The following QSER1 variants were observed in gnomAD, a reference collection of about 807,000 sequenced individuals.
QSER1 encodes the protein glutamine and serine-rich protein 1.
QSER1 carries 49 observed loss-of-function variants against 158.5 expected under a neutral mutation model. The observed-to-expected ratio is 0.31, with a 90% CI of 0.25 to 0.39. The LOEUF (loss-of-function observed/expected upper bound fraction) is 0.39, where lower values mean the gene tolerates loss of function less well. QSER1 is among the 10% of genes least tolerant of loss of function. The probability of loss-of-function intolerance (pLI) is 1.00; values close to 1 mark genes in which losing one functional copy is unlikely to be tolerated. For synonymous variants in QSER1, 650 were observed against 715.5 expected (o/e 0.91, Z 1.46); for missense variants, 1,754 against 2,010.3 (o/e 0.87, Z 2.44).
chr11:32,948,788 A>G (rs1351360782), intron 4 of QSER1, among the ~76,000 whole-genome samples: 1 of 152,184 alleles, frequency 6.6e-6, no homozygotes, highest in East Asian at 1.9e-4. Flanking sequence ...CATATACAAA[A>G]GTACAGAGAT....
chr11:32,912,598 A>T (rs1179871431), intron 1 of QSER1, among the ~76,000 whole-genome samples: 2 of 152,054 alleles, frequency 1.3e-5, no homozygotes, highest in Non-Finnish European at 2.9e-5. Flanking sequence ...GATGCTGATG[A>T]GCATCGCCTG....
rs1590700947 is a variant in QSER1 at position 32,893,864 on chromosome 11, C to T, written c.209+530C>T. 1.3e-5 allele frequency among the ~76,000 whole-genome samples: 2 copies of T among 152,062 alleles called. No individual in the cohort carries two copies. The highest frequency in any genetic ancestry group is 4.8e-5 in the African/African-American group (2 of 41,394). Reference sequence around the variant, plus strand: ...CTGGGCTACGGGAGAATCCCCGGGGCGCAGGGCAGAAGAGGGGGCCCGGCA... The same window carrying T: ...CTGGGCTACGGGAGAATCCCCGGGGTGCAGGGCAGAAGAGGGGGCCCGGCA... On this transcript the variant is annotated intron_variant, in intron 1 of 12. Transcript: ENST00000650167. The surrounding 1 kb of genome is among the most constrained non-coding windows in gnomAD (Gnocchi z 4.7).
intron 1 of QSER1, among the ~76,000 whole-genome samples, chr11:32,897,178 G>A (rs988876142): frequency 6.6e-6 from 1 of 152,106 alleles, no homozygotes; most frequent in African/African-American, 2.4e-5. Flanking sequence ...TTTGAGGTAG[G>A]CATTCTTTTT....
In QSER1 at chr11:32,913,555, T is replaced by C. The variant is rs1178003377; in HGVS notation, c.210-13602T>C. Reference sequence around the variant, plus strand: ...GAGGAAGTCTTCCCAGATTGTGTTATGTTTATTTACTTATGCTCTTTTATT... The same window carrying C: ...GAGGAAGTCTTCCCAGATTGTGTTACGTTTATTTACTTATGCTCTTTTATT... On this transcript the variant is annotated intron_variant, in intron 1 of 12. Transcript: ENST00000650167. Among the ~76,000 whole-genome samples, 4 of 152,222 alleles carry C rather than the reference T, an allele frequency of 2.6e-5. No individual in the cohort carries two copies. In the East Asian group the frequency reaches 7.7e-4, roughly 29 times the overall value.
At chr11:32,937,950 C>A (rs1852177467) in intron 4 of QSER1, among the ~76,000 whole-genome samples, 3 of 152,158 alleles carry the variant, frequency 2.0e-5, no homozygotes, top group Admixed American at 2.0e-4. Context: ...TTATTCCAGA[C>A]AGAATTAGTG....
chr11:32,918,804 T>C (rs1375689545), intron 1 of QSER1, among the ~76,000 whole-genome samples: 1 of 152,140 alleles, frequency 6.6e-6, no homozygotes, highest in African/African-American at 2.4e-5. Flanking sequence ...CAAAAACCCC[T>C]GATATTTATA....
chr11:32,966,495 T>C, intron 9 of QSER1, 58 bp downstream of exon 9: 5 of 1,528,876 alleles, frequency 3.3e-6, no homozygotes, highest in Non-Finnish European at 4.4e-6. Flanking sequence ...AAAAAAGAAA[T>C]CTTGTCTGTT....
chr11:32,909,813 G>A (rs1328549520), intron 1 of QSER1, among the ~76,000 whole-genome samples: 3 of 152,130 alleles, frequency 2.0e-5, no homozygotes, highest in Non-Finnish European at 4.4e-5. Context: ...TGGGAGTCGT[G>A]TGTATGGGGG....
intron 1 of QSER1, among the ~76,000 whole-genome samples, chr11:32,920,638 A>G (rs1461178075): frequency 6.6e-6 from 1 of 152,234 alleles, no homozygotes; most frequent in East Asian, 1.9e-4. Context: ...TGTATCCAGC[A>G]TATTTAAAGA....
At chr11:32,963,401 G>A (rs1466590844) in intron 8 of QSER1, among the ~76,000 whole-genome samples, 1 of 152,138 alleles carries the variant, frequency 6.6e-6, no homozygotes, top group Admixed American at 6.5e-5. Flanking sequence ...TATCGTCCAG[G>A]CTGGAGTGCA....
chr11:32,979,807 A>G lies in QSER1; in HGVS notation c.*3333A>G, dbSNP rs914267821. On this transcript the variant is annotated 3_prime_UTR_variant, in exon 13 of 13. Transcript: ENST00000650167. ...CTTTGGAGATATACCTATAAAACCA[A>G]TATAACAGCAGGGTTATTGAAGCAG... The G allele has an allele frequency of 5.3e-5, 8 of 152,240 alleles. No individual in the cohort carries two copies. Among genetic ancestry groups the G allele is most frequent in the Admixed American group, 3.9e-4 (6 of 15,290 alleles). The allele number at this position is 152,240 out of a possible 1,614,324, so 9.4% of individuals were successfully genotyped here.
chr11:32,970,226 A>C (rs1852826989), intron 10 of QSER1, among the ~76,000 whole-genome samples: 1 of 152,196 alleles, frequency 6.6e-6, no homozygotes, highest in Admixed American at 6.5e-5. Flanking sequence ...TATTGACTTC[A>C]TTTCAATTAG....
chr11:32,901,719 C>T lies in QSER1; in HGVS notation c.209+8385C>T, dbSNP rs528088415. 2.0e-5 allele frequency among the ~76,000 whole-genome samples: 3 copies of T among 152,264 alleles called. No individual in the cohort carries two copies. In the East Asian group the frequency reaches 5.8e-4, roughly 29 times the overall value. ...GGAGCTCACCAGAGTAACACTGTAC[C>T]ACAGAGCGTTGGTACTAGATTTTAG... On this transcript the variant is annotated intron_variant, in intron 1 of 12. Coordinates refer to ENST00000650167, the MANE Select transcript of QSER1 (RefSeq NM_001076786.3).
intron 8 of QSER1, among the ~76,000 whole-genome samples, chr11:32,958,989 G>A (rs571294507): frequency 1.3e-5 from 2 of 152,026 alleles, no homozygotes; most frequent in African/African-American, 4.8e-5. Context: ...ATTTATGTAG[G>A]TATATCTATT....
At chr11:32,908,695 T>G (rs61889544) in intron 1 of QSER1, among the ~76,000 whole-genome samples, 1 of 152,238 alleles carries the variant, frequency 6.6e-6, no homozygotes, top group Non-Finnish European at 1.5e-5. Flanking sequence ...TGTTTCCACT[T>G]TTTGGTTATT....
At chr11:32,897,942 T>C (rs1480146856) in intron 1 of QSER1, among the ~76,000 whole-genome samples, 1 of 152,248 alleles carries the variant, frequency 6.6e-6, no homozygotes, top group Non-Finnish European at 1.5e-5. Flanking sequence ...ATCTAATGTC[T>C]TGAAACTGTC....
intron 2 of QSER1, among the ~76,000 whole-genome samples, chr11:32,927,705 CCAA>C (rs1296157092): frequency 6.6e-6 from 1 of 152,144 alleles, no homozygotes; most frequent in African/African-American, 2.4e-5. Context: ...CCACGCCCGA[CCAA>C]AGCTTTGGTT....
chr11:32,957,769 A>C (rs1361164819), intron 7 of QSER1, 100 bp from the exon 8 acceptor site: 1 of 925,796 alleles, frequency 1.1e-6, no homozygotes, highest in Non-Finnish European at 1.6e-6. Context: ...TGGTGAGAGT[A>C]ATTAGATAAT....
intron 1 of QSER1, among the ~76,000 whole-genome samples, chr11:32,904,601 CTTT>C (rs61491135): frequency 4.4e-4 from 50 of 114,358 alleles, no homozygotes; most frequent in African/African-American, 1.3e-3. Context: ...CATATCCACT[CTTT>C]TTTTTTTTTT....
Sources: allele counts gnomAD v4.1 joint callset (sites outside exome capture counted in the v4.1 genomes callset), GRCh38; gene constraint gnomAD v4.1.1; non-coding constraint Gnocchi (gnomAD v3.1); transcripts MANE v1.5; gene names NCBI Gene and HGNC (gene_info 2026-07-23, HGNC 2026-07-21).